Variants in DCLK1 observed in about 807,000 individuals in gnomAD.
DCLK1 encodes doublecortin like kinase 1.
A neutral mutation model predicts 86.2 loss-of-function variants in DCLK1; 16 were observed. That is an observed-to-expected ratio of 0.19 (90% CI 0.13 to 0.28). The LOEUF is 0.28. DCLK1 is among the 10% of genes least tolerant of loss of function. The pLI is 1.00. For synonymous variants in DCLK1, 369 were observed against 370.5 expected, an observed-to-expected ratio of 1.00 and a Z score of 0.05; for missense variants, 590 against 940.2, an observed-to-expected ratio of 0.63 and a Z score of 4.87.
chr13:35,840,198 C>T (rs530887090), intron 6 of DCLK1, among the ~76,000 whole-genome samples: 26 of 152,306 alleles, frequency 1.7e-4, no homozygotes, highest in African/African-American at 6.0e-4. Flanking sequence ...TTTTCCTCTG[C>T]TTACCTGTTT....
At chr13:36,002,242 T>C (rs532875412) in intron 3 of DCLK1, among the ~76,000 whole-genome samples, 4 of 152,322 alleles carry the variant, frequency 2.6e-5, no homozygotes, top group African/African-American at 9.6e-5. Context: ...ACAAGTACAA[T>C]ACAGTTAATT....
chr13:35,918,885 T>G (rs1282035408), intron 4 of DCLK1, among the ~76,000 whole-genome samples: 1 of 123,064 alleles, frequency 8.1e-6, no homozygotes, highest in Non-Finnish European at 1.6e-5. Context: ...ATCTTCCTTC[T>G]GAGTGTGTTT....
chr13:35,849,855 A>G, intron 6 of DCLK1: 3 of 978,522 alleles, frequency 3.1e-6, no homozygotes, highest in Non-Finnish European at 3.6e-6. Flanking sequence ...AATTTTTTTT[A>G]GGTCTGTATG....
chr13:35,920,640 C>T (rs1195079407), intron 4 of DCLK1, among the ~76,000 whole-genome samples: 1 of 152,104 alleles, frequency 6.6e-6, no homozygotes, highest in African/African-American at 2.4e-5. Context: ...GAAGGGTGTT[C>T]TTGGTCCTAC....
At chr13:36,046,138 C>T (rs1882906651) in intron 3 of DCLK1, among the ~76,000 whole-genome samples, 1 of 152,088 alleles carries the variant, frequency 6.6e-6, no homozygotes. Flanking sequence ...TGAACCTTTA[C>T]TTTCTTTTCT....
chr13:35,848,844 C>T (rs900805853), intron 6 of DCLK1: 8 of 985,190 alleles, frequency 8.1e-6, no homozygotes, highest in Non-Finnish European at 7.2e-6. Context: ...TTAAGTAATG[C>T]ATTTTACAAA....
intron 3 of DCLK1, among the ~76,000 whole-genome samples, chr13:36,064,518 G>T (rs1483208556): frequency 6.6e-6 from 1 of 152,002 alleles, no homozygotes; most frequent in Non-Finnish European, 1.5e-5. Context: ...AATTAGCTGG[G>T]CGTGGTGGCG....
intron 4 of DCLK1, 44 bp downstream of exon 4, chr13:35,947,314 G>A (rs191519327): frequency 7.7e-6 from 12 of 1,549,870 alleles, no homozygotes; most frequent in Non-Finnish European, 1.1e-5. Flanking sequence ...ATTTTCGAAA[G>A]CTGCCTCAAA....
chr13:35,783,284 G>A lies in DCLK1; in HGVS notation c.2059-8585C>T, dbSNP rs548396734. Reference sequence around the variant, plus strand: ...GGAAAATCTGTGGAGTGGGTGATTTGCTCTTGGAAGTGAGGGAAACAGAAA... The same window carrying A: ...GGAAAATCTGTGGAGTGGGTGATTTACTCTTGGAAGTGAGGGAAACAGAAA... On this transcript the variant is annotated intron_variant, in intron 16 of 16. Coordinates refer to ENST00000360631, the MANE Select transcript of DCLK1 (RefSeq NM_001330071.2). Among the ~76,000 whole-genome samples the A allele has an allele frequency of 1.3e-4, 19 of 151,964 alleles. 1 individual carries two copies. In the South Asian group the frequency reaches 3.5e-3, roughly 28 times the overall value.
chr13:35,998,155 A>G (rs1458085915), intron 3 of DCLK1, among the ~76,000 whole-genome samples: 1 of 152,218 alleles, frequency 6.6e-6, no homozygotes. Context: ...AATAAAATTA[A>G]GAAGTATAAG....
At chr13:35,785,236 G>A (rs2086599528) in intron 16 of DCLK1, among the ~76,000 whole-genome samples, 1 of 152,172 alleles carries the variant, frequency 6.6e-6, no homozygotes, top group African/African-American at 2.4e-5. Flanking sequence ...GTGTTACAGG[G>A]CATAGCACTT....
intron 13 of DCLK1, 101 bp downstream of exon 13, chr13:35,808,917 C>G: frequency 1.0e-6 from 1 of 967,082 alleles, no homozygotes; most frequent in Non-Finnish European, 1.5e-6. Context: ...TTCTTGTGCT[C>G]TTTTCCTGCT....
intron 4 of DCLK1, among the ~76,000 whole-genome samples, chr13:35,872,315 T>G (rs991260124): frequency 8.5e-5 from 13 of 152,346 alleles, no homozygotes; most frequent in African/African-American, 3.1e-4. Context: ...TGTCTATGCA[T>G]TTATATATTT....
At chr13:35,874,378 G>A (rs907204495) in intron 4 of DCLK1, among the ~76,000 whole-genome samples, 29 of 152,176 alleles carry the variant, frequency 1.9e-4, no homozygotes, top group Non-Finnish European at 5.9e-5. Flanking sequence ...GGAGGAGAGT[G>A]TGTCCTAGAG....
intron 3 of DCLK1, among the ~76,000 whole-genome samples, chr13:35,991,975 A>C (rs1016084073): frequency 4.6e-5 from 7 of 152,198 alleles, no homozygotes; most frequent in African/African-American, 1.4e-4. Flanking sequence ...ATGTCAAATA[A>C]AAGCCTAAAT....
chr13:36,024,968 CTT>C (rs1427973007), intron 3 of DCLK1, among the ~76,000 whole-genome samples: 35 of 139,010 alleles, frequency 2.5e-4, no homozygotes, highest in Non-Finnish European at 2.5e-4. Context: ...TCTTTTCTTT[CTT>C]TTTTTTTTTT....
chr13:35,834,238 T>G (rs1869186239), intron 8 of DCLK1, among the ~76,000 whole-genome samples: 1 of 152,130 alleles, frequency 6.6e-6, no homozygotes, highest in South Asian at 2.1e-4. Context: ...AATATAAAAT[T>G]ATATAAGCAC....
intron 3 of DCLK1, among the ~76,000 whole-genome samples, chr13:36,015,864 A>AG (rs1881519166): frequency 2.0e-5 from 3 of 152,236 alleles, no homozygotes; most frequent in African/African-American, 7.2e-5. Flanking sequence ...GATGAAAAAC[A>AG]TCAATTTGTT....
intron 3 of DCLK1, among the ~76,000 whole-genome samples, chr13:35,988,107 C>T (rs1046317239): frequency 6.6e-6 from 1 of 152,198 alleles, no homozygotes; most frequent in Admixed American, 6.5e-5. Context: ...CCTGATGGGG[C>T]TGGAAGACCC....
Sources: allele counts gnomAD v4.1 joint callset (sites outside exome capture counted in the v4.1 genomes callset), GRCh38; gene constraint gnomAD v4.1.1; transcripts MANE v1.5; gene names NCBI Gene and HGNC (gene_info 2026-07-23, HGNC 2026-07-21).